C2CD5: variants seen among roughly 807,000 people sequenced by gnomAD.
C2CD5 encodes C2 calcium dependent domain containing 5, also known as C2 domain-containing protein 5.
In C2CD5, 109 loss-of-function variants were observed where a neutral mutation model predicts 130.3. That is an observed-to-expected ratio of 0.84 (90% CI 0.72 to 0.98). The LOEUF is 0.98. C2CD5 is among the 50% of genes least tolerant of loss of function. The pLI is 0.00. For missense variants in C2CD5, 996 were observed against 1,261.8 expected (o/e 0.79, Z 3.19); for synonymous variants, 454 against 429.2 (o/e 1.06, Z -0.71).
intron 10 of C2CD5, among the ~76,000 whole-genome samples, chr12:22,500,345 A>G (rs1947603317): frequency 6.6e-6 from 1 of 152,204 alleles, no homozygotes; most frequent in South Asian, 2.1e-4. Context: ...TCATCAAATG[A>G]GTACTGGCTA....
At chr12:22,454,570 T>C (rs1591915812) in intron 25 of C2CD5, among the ~76,000 whole-genome samples, 2 of 8,306 alleles carry the variant, frequency 2.4e-4, no homozygotes, top group Admixed American at 8.2e-4. Flanking sequence ...AGACTTTTCA[T>C]TTTTTTTTTT....
At chr12:22,488,153 C>A (rs61028806) in intron 12 of C2CD5, among the ~76,000 whole-genome samples, 3,212 of 151,928 alleles carry the variant, frequency 0.021, 104 homozygotes, top group African/African-American at 0.073. Flanking sequence ...ATGTAACAAA[C>A]CTGCACGTTG....
intron 12 of C2CD5, among the ~76,000 whole-genome samples, chr12:22,487,297 A>G (rs1274940943): frequency 1.3e-5 from 2 of 152,324 alleles, no homozygotes; most frequent in East Asian, 1.9e-4. Context: ...AATTTTTGCA[A>G]TCTATCCATC....
At chr12:22,544,224 G>T (rs879059756) in intron 1 of C2CD5, 45 bp from the exon 2 acceptor site, 4 of 1,495,794 alleles carry the variant, frequency 2.7e-6, no homozygotes, top group Non-Finnish European at 3.7e-6. Context: ...CGGGGCCGGC[G>T]GGAGAGGGGC....
chr12:22,456,594 G>A lies in C2CD5; in HGVS notation c.2877+377C>T, dbSNP rs1274538437. ...AAACAGCAGAGCTAAATTACATAAAGTATCTCCTTAGACATGTATCTGTAA... is the reference window on the plus strand; with the variant it reads ...AAACAGCAGAGCTAAATTACATAAAATATCTCCTTAGACATGTATCTGTAA... On this transcript the variant is annotated intron_variant, in intron 25 of 26. Transcript: ENST00000446597. 2.6e-5 allele frequency among the ~76,000 whole-genome samples: 4 copies of A among 152,134 alleles called. No individual in the cohort carries two copies. The East Asian group carries it at 7.7e-4, about 29-fold the overall frequency.
chr12:22,517,962 A>T, intron 8 of C2CD5, 24 bp downstream of exon 8: 2 of 1,557,916 alleles, frequency 1.3e-6, no homozygotes, highest in Non-Finnish European at 1.7e-6. Context: ...AAGAAAAAAT[A>T]AAAGGTGGGT....
intron 20 of C2CD5, 39 bp from the exon 21 acceptor site, chr12:22,470,950 A>C: frequency 7.3e-7 from 1 of 1,364,990 alleles, no homozygotes; most frequent in South Asian, 1.2e-5. Context: ...CAAAATAATC[A>C]CTGCCAAAAC....
chr12:22,531,264 TAAAAG>T (rs1276828367), intron 3 of C2CD5, among the ~76,000 whole-genome samples: 1 of 152,090 alleles, frequency 6.6e-6, no homozygotes, highest in African/African-American at 2.4e-5. Flanking sequence ...TAGAAGCAGC[TAAAAG>T]AAAAATTTGT....
intron 3 of C2CD5, among the ~76,000 whole-genome samples, chr12:22,532,050 T>C (rs1951327713): frequency 6.6e-6 from 1 of 152,110 alleles, no homozygotes; most frequent in Non-Finnish European, 1.5e-5. Flanking sequence ...AAAAATATTA[T>C]TCCCAGGCCG....
chr12:22,490,359 T>C (rs1946180930), intron 11 of C2CD5, 141 bp from the exon 12 acceptor site: 2 of 498,102 alleles, frequency 4.0e-6, no homozygotes, highest in South Asian at 8.8e-5. Flanking sequence ...TTTACGAGGT[T>C]TACCTCCTAA....
rs544047343 is a variant in C2CD5, at chr12:22,455,154, GA to G, written c.2878-1113del. 1.5e-4 allele frequency among the ~76,000 whole-genome samples: 23 copies of G among 152,260 alleles called. No homozygotes were observed. The East Asian group carries it at 4.1e-3, about 27-fold the overall frequency. On this transcript the variant is annotated intron_variant, in intron 25 of 26. Transcript: ENST00000446597. Reference sequence around the variant, plus strand: ...AGGATCCTACATATAGTTGTATAAAGATATCTCTTTTTGTAGTTAGGGAATT... The same window carrying G: ...AGGATCCTACATATAGTTGTATAAAGTATCTCTTTTTGTAGTTAGGGAATT...
intron 16 of C2CD5, 63 bp downstream of exon 16, chr12:22,474,687 CA>C (rs906513615): frequency 1.6e-5 from 19 of 1,168,128 alleles, no homozygotes; most frequent in Non-Finnish European, 1.9e-5. Context: ...ATTAATTTAG[CA>C]CGTGAAAAAA....
At chr12:22,543,481 A>T (rs1458188933) in intron 2 of C2CD5, among the ~76,000 whole-genome samples, 1 of 152,188 alleles carries the variant, frequency 6.6e-6, no homozygotes, top group Non-Finnish European at 1.5e-5. Flanking sequence ...AGATTCACAA[A>T]ATGTTAGGCA....
intron 11 of C2CD5, among the ~76,000 whole-genome samples, chr12:22,492,896 T>C: frequency 6.6e-6 from 1 of 152,154 alleles, no homozygotes. Context: ...TTGATACAGT[T>C]ACATACTAAA....
intron 22 of C2CD5, among the ~76,000 whole-genome samples, chr12:22,468,400 T>G (rs960043449): frequency 6.6e-6 from 1 of 152,110 alleles, no homozygotes; most frequent in Admixed American, 6.6e-5. Context: ...TTATTTTTTG[T>G]AGAGCTGGGG....
chr12:22,530,089 TATATATATATATATATATATATACAC>T (rs1350439980), intron 3 of C2CD5, among the ~76,000 whole-genome samples: 4 of 106,508 alleles, frequency 3.8e-5, no homozygotes, highest in African/African-American at 1.7e-4. Context: ...TATATATATA[TATATATATATATATATATATATACAC>T]ACACACACAC....
chr12:22,473,336 TCA>T (rs1264972106), intron 16 of C2CD5, among the ~76,000 whole-genome samples: 1 of 152,142 alleles, frequency 6.6e-6, no homozygotes, highest in Non-Finnish European at 1.5e-5. Flanking sequence ...CATCTGCACC[TCA>T]GTTTCTAAGT....
intron 2 of C2CD5, 71 bp downstream of exon 2, chr12:22,543,990 G>T: frequency 8.5e-7 from 1 of 1,173,510 alleles, no homozygotes; most frequent in Non-Finnish European, 1.3e-6. Context: ...GAGGGGCTGG[G>T]GGCGAGGTGG....
At chr12:22,525,340 T>C (rs1296467080) in intron 5 of C2CD5, among the ~76,000 whole-genome samples, 1 of 152,162 alleles carries the variant, frequency 6.6e-6, no homozygotes, top group African/African-American at 2.4e-5. Context: ...TGCTTAGCCG[T>C]AGTGTTCTGC....
Sources: gnomAD v4.1 joint callset for allele counts (sites outside exome capture counted in the v4.1 genomes callset) on GRCh38, gnomAD v4.1.1 for gene constraint, MANE v1.5 for transcripts, NCBI Gene and HGNC (gene_info 2026-07-23, HGNC 2026-07-21) for gene names.